Variants in MMP16 observed in about 807,000 individuals in gnomAD.
MMP16 encodes matrix metallopeptidase 16.
In MMP16, 12 loss-of-function variants were observed where a neutral mutation model predicts 67.8. That is an observed-to-expected ratio of 0.18 (90% confidence interval 0.11 to 0.29). The LOEUF (loss-of-function observed/expected upper bound fraction) is 0.29, where lower values mean the gene tolerates loss of function less well. MMP16 is among the 10% of genes least tolerant of loss of function. The pLI, the probability that MMP16 is intolerant of heterozygous loss-of-function variation, is 1.00. For synonymous variants in MMP16, 249 were observed against 255.9 expected (o/e 0.97, Z 0.26); for missense variants, 475 against 765.7 (o/e 0.62, Z 4.48).
chr8:88,161,609 G>T (rs1175004095), intron 4 of MMP16, among the ~76,000 whole-genome samples: 1 of 151,834 alleles, frequency 6.6e-6, no homozygotes, highest in South Asian at 2.1e-4. Context: ...GAATGTGTTT[G>T]CTCTTGCTTC....
intron 8 of MMP16, among the ~76,000 whole-genome samples, chr8:88,051,059 T>A (rs754094430): frequency 2.0e-5 from 3 of 152,210 alleles, no homozygotes; most frequent in Non-Finnish European, 2.9e-5. Context: ...AAACTCAACA[T>A]AGGCTCAAAC....
intron 4 of MMP16, among the ~76,000 whole-genome samples, chr8:88,157,736 T>C (rs1808536056): frequency 6.6e-6 from 1 of 152,176 alleles, no homozygotes; most frequent in African/African-American, 2.4e-5. Context: ...GTTTGTTACA[T>C]AGGTATACGT....
intron 1 of MMP16, among the ~76,000 whole-genome samples, chr8:88,302,013 T>C (rs1199749984): frequency 6.6e-6 from 1 of 152,228 alleles, no homozygotes; most frequent in Non-Finnish European, 1.5e-5. Context: ...GAATGCCTGC[T>C]TTTTGTTCAC....
chr8:88,159,976 T>C (rs1808586745), intron 4 of MMP16, among the ~76,000 whole-genome samples: 1 of 151,932 alleles, frequency 6.6e-6, no homozygotes, highest in Non-Finnish European at 1.5e-5. Context: ...TTATTTTATT[T>C]TATTATTATT....
At chr8:88,233,898 C>T (rs969797598) in intron 1 of MMP16, among the ~76,000 whole-genome samples, 2 of 152,164 alleles carry the variant, frequency 1.3e-5, no homozygotes, top group Non-Finnish European at 2.9e-5. Flanking sequence ...TTTAAAGGCT[C>T]CCAAAGTGAG....
intron 4 of MMP16, among the ~76,000 whole-genome samples, chr8:88,131,006 G>A (rs1201532487): frequency 6.6e-6 from 1 of 151,584 alleles, no homozygotes; most frequent in Non-Finnish European, 1.5e-5. Flanking sequence ...TGTCTTGATT[G>A]CAAAGAACCT....
rs578248784 is a variant in MMP16, at chr8:88,147,064, G to T, written c.709+20605C>A. Among the ~76,000 whole-genome samples, 9 of 152,014 alleles carry T rather than the reference G, an allele frequency of 5.9e-5. 1 individual carries two copies. The highest frequency in any genetic ancestry group is 3.4e-3 in the Middle Eastern group (1 of 290). The stretch of plus-strand genomic sequence containing the variant: ...CTTTACTTTGTAAGTGGCAAGTTTA[G>T]TTCAATTATATTCATTGTGGTTACT... On this transcript the variant is annotated intron_variant, in intron 4 of 9. Transcript: ENST00000286614.
intron 4 of MMP16, among the ~76,000 whole-genome samples, chr8:88,162,340 C>A (rs961365429): frequency 6.6e-6 from 1 of 151,920 alleles, no homozygotes; most frequent in Admixed American, 6.6e-5. Flanking sequence ...GGAAAAAAGT[C>A]ATGTTTTTAA....
At chr8:88,072,937 A>G (rs887875974) in intron 7 of MMP16, among the ~76,000 whole-genome samples, 2 of 152,188 alleles carry the variant, frequency 1.3e-5, no homozygotes, top group Non-Finnish European at 2.9e-5. Flanking sequence ...CCATGCCACA[A>G]GAGAGTGAGG....
intron 1 of MMP16, among the ~76,000 whole-genome samples, chr8:88,217,040 T>C (rs1053724770): frequency 6.6e-5 from 10 of 152,118 alleles, no homozygotes; most frequent in Admixed American, 1.3e-4. Context: ...TATCTGTCTC[T>C]GACTCAAACA....
chr8:88,221,085 C>T (rs1211663002), intron 1 of MMP16, among the ~76,000 whole-genome samples: 1 of 151,710 alleles, frequency 6.6e-6, no homozygotes, highest in Non-Finnish European at 1.5e-5. Context: ...GAATACCAGC[C>T]ATGGTAGAGC....
At chr8:88,206,785 A>C (rs563891425) in intron 1 of MMP16, among the ~76,000 whole-genome samples, 1 of 152,212 alleles carries the variant, frequency 6.6e-6, no homozygotes, top group African/African-American at 2.4e-5. Context: ...CAATTAGCCT[A>C]TGATAAAATT....
chr8:88,202,350 G>A (rs1378917911), intron 1 of MMP16, among the ~76,000 whole-genome samples: 2 of 152,158 alleles, frequency 1.3e-5, no homozygotes. Context: ...ACTCATTTAT[G>A]ATAGAAGCCA....
intron 1 of MMP16, among the ~76,000 whole-genome samples, chr8:88,313,955 A>G (rs1326369573): frequency 6.6e-6 from 1 of 152,108 alleles, no homozygotes; most frequent in East Asian, 1.9e-4. Flanking sequence ...CGTCCCCATG[A>G]TTTAATTACC....
intron 3 of MMP16, among the ~76,000 whole-genome samples, chr8:88,171,197 C>G (rs1002085891): frequency 6.6e-6 from 1 of 152,064 alleles, no homozygotes; most frequent in Non-Finnish European, 1.5e-5. Context: ...TTTTTCAAAG[C>G]TATGTACTGA....
chr8:88,054,361 G>T (rs1227036387), intron 8 of MMP16, among the ~76,000 whole-genome samples: 2 of 152,124 alleles, frequency 1.3e-5, no homozygotes, highest in Non-Finnish European at 2.9e-5. Context: ...ATTAAAATCA[G>T]CTGGTGAATT....
chr8:88,129,796 G>A (rs1395419638), intron 4 of MMP16, among the ~76,000 whole-genome samples: 1 of 151,234 alleles, frequency 6.6e-6, no homozygotes, highest in Non-Finnish European at 1.5e-5. Context: ...TTTAGAGTAG[G>A]TTTCACATAT....
At chr8:88,201,144 CAAAAAAAAA>C (rs71277984) in intron 1 of MMP16, among the ~76,000 whole-genome samples, 7 of 109,408 alleles carry the variant, frequency 6.4e-5, no homozygotes, top group Admixed American at 9.1e-5. Flanking sequence ...TTTCCCCCCC[CAAAAAAAAA>C]AAAAAAAAAA....
At chr8:88,064,891 G>C (rs1458670757) in intron 7 of MMP16, among the ~76,000 whole-genome samples, 1 of 152,054 alleles carries the variant, frequency 6.6e-6, no homozygotes, top group East Asian at 1.9e-4. Flanking sequence ...GCTTGTGCAA[G>C]TGTGGTTGCC....
Sources: gnomAD v4.1 joint callset for allele counts (sites outside exome capture counted in the v4.1 genomes callset) on GRCh38, gnomAD v4.1.1 for gene constraint, MANE v1.5 for transcripts, NCBI Gene and HGNC (gene_info 2026-07-23, HGNC 2026-07-21) for gene names.